The following RIMS2 variants were observed in gnomAD, a reference collection of about 807,000 sequenced individuals.
The protein encoded by RIMS2 is regulating synaptic membrane exocytosis 2, also known as regulating synaptic membrane exocytosis protein 2.
In RIMS2, 59 loss-of-function variants were observed where a neutral mutation model predicts 174.4. The ratio of observed to expected loss-of-function variants is 0.34; its 90% CI spans 0.27 to 0.42. The LOEUF (loss-of-function observed/expected upper bound fraction) is 0.42, where lower values mean the gene tolerates loss of function less well. Ranked by LOEUF, RIMS2 falls within the 10% of genes least tolerant of loss-of-function variation. The pLI is 1.00. For synonymous variants in RIMS2, 606 were observed against 572.5 expected (o/e 1.06, Z -0.84); for missense variants, 1,620 against 1,666.3 (o/e 0.97, Z 0.48).
chr8:103,882,295 ACTAT>A (rs1036049005), intron 3 of RIMS2, among the ~76,000 whole-genome samples: 9 of 151,560 alleles, frequency 5.9e-5, no homozygotes, highest in Non-Finnish European at 1.2e-4. Context: ...AAAGGAATAT[ACTAT>A]CTATGAAATA....
At chr8:103,672,886 A>T (rs2096762706) in intron 1 of RIMS2, among the ~76,000 whole-genome samples, 1 of 152,208 alleles carries the variant, frequency 6.6e-6, no homozygotes, top group Non-Finnish European at 1.5e-5. Context: ...TTCATCTGAG[A>T]CAAGGCCAGT....
chr8:104,122,269 G>T lies in RIMS2; in HGVS notation c.3334+107654G>T, dbSNP rs118166894. 1.9e-3 allele frequency among the ~76,000 whole-genome samples: 294 copies of T among 152,100 alleles called. 1 individual carries two copies. The highest frequency in any genetic ancestry group is 3.4e-3 in the Non-Finnish European group (228 of 67,982). ...GTGATTGAAATTAACAGGGATAAAG[G>T]GGATATATAATGAGATTTGCACTGG... On this transcript the variant is annotated intron_variant, in intron 19 of 23. Transcript: ENST00000504942.
chr8:103,516,059 C>A (rs992968525), intron 1 of RIMS2, among the ~76,000 whole-genome samples: 1 of 151,864 alleles, frequency 6.6e-6, no homozygotes, highest in Non-Finnish European at 1.5e-5. Flanking sequence ...CTTTTTGGTT[C>A]ATCGATTTCA....
intron 19 of RIMS2, among the ~76,000 whole-genome samples, chr8:104,123,256 A>T (rs907950747): frequency 6.6e-6 from 1 of 152,036 alleles, no homozygotes; most frequent in African/African-American, 2.4e-5. Context: ...GTATATGTAG[A>T]GGAAATGATC....
At chr8:104,061,592 CTCTG>C (rs1479559883) in intron 19 of RIMS2, among the ~76,000 whole-genome samples, 2 of 149,482 alleles carry the variant, frequency 1.3e-5, no homozygotes, top group African/African-American at 4.9e-5. Flanking sequence ...CTTTTTTGTT[CTCTG>C]TCTTATTTAT....
At chr8:103,752,994 G>A (rs2097914990) in intron 2 of RIMS2, among the ~76,000 whole-genome samples, 1 of 151,772 alleles carries the variant, frequency 6.6e-6, no homozygotes, top group Non-Finnish European at 1.5e-5. Context: ...GGTGAGAGAG[G>A]GCATCCCTGT....
In RIMS2 at chr8:104,120,920, A is replaced by G. The variant is rs544024838; in HGVS notation, c.3334+106305A>G. Reference sequence around the variant, plus strand: ...AAATAAACATGGGGATTAGCTAACTACTCTCTCACCTTGGCAGTATTTTAC... The same window carrying G: ...AAATAAACATGGGGATTAGCTAACTGCTCTCTCACCTTGGCAGTATTTTAC... On this transcript the variant is annotated intron_variant, in intron 19 of 23. Coordinates refer to ENST00000504942, the Ensembl canonical transcript of RIMS2. 5.3e-5 allele frequency among the ~76,000 whole-genome samples: 8 copies of G among 152,004 alleles called. No homozygotes were observed. The East Asian group carries it at 1.5e-3, about 29-fold the overall frequency.
intron 14 of RIMS2, 138 bp from the exon 17 acceptor site, chr8:103,960,927 T>G (rs1595881544): frequency 1.5e-6 from 1 of 646,464 alleles, no homozygotes; most frequent in African/African-American, 1.9e-5. Flanking sequence ...AAAAAGCTCA[T>G]AAGGACTTTT....
chr8:103,988,375 G>A (rs929837015), intron 16 of RIMS2, among the ~76,000 whole-genome samples: 1 of 152,134 alleles, frequency 6.6e-6, no homozygotes, highest in Admixed American at 6.5e-5. Flanking sequence ...CCTACAATAT[G>A]ACATGCCATG....
At chr8:103,774,541 T>G (rs1362685632) in intron 3 of RIMS2, among the ~76,000 whole-genome samples, 2 of 152,108 alleles carry the variant, frequency 1.3e-5, no homozygotes, top group Non-Finnish European at 1.5e-5. Flanking sequence ...AAAACATGGA[T>G]AAATCTCAAA....
chr8:104,202,323 A>G (rs1164898896), intron 19 of RIMS2, among the ~76,000 whole-genome samples: 1 of 152,238 alleles, frequency 6.6e-6, no homozygotes, highest in Middle Eastern at 3.2e-3. Context: ...GTGGTATATT[A>G]GGACAGCAAA....
intron 1 of RIMS2, among the ~76,000 whole-genome samples, chr8:103,524,215 T>A (rs1159144214): frequency 3.3e-5 from 5 of 149,550 alleles, no homozygotes; most frequent in African/African-American, 1.2e-4. Flanking sequence ...AGAAATAGGC[T>A]AAGAAGAAAA....
chr8:103,693,297 T>G (rs1213237005), intron 1 of RIMS2, among the ~76,000 whole-genome samples: 5 of 152,204 alleles, frequency 3.3e-5, no homozygotes. Context: ...GACTGTTTTT[T>G]CTACCCTCTT....
intron 17 of RIMS2, among the ~76,000 whole-genome samples, chr8:104,001,481 C>T (rs1205017066): frequency 1.3e-5 from 2 of 151,988 alleles, no homozygotes; most frequent in African/African-American, 4.8e-5. Flanking sequence ...GAATCTACCA[C>T]CCAAACCAAG....
chr8:103,894,960 A>T (rs1212210019), intron 4 of RIMS2, among the ~76,000 whole-genome samples: 1 of 151,690 alleles, frequency 6.6e-6, no homozygotes, highest in African/African-American at 2.4e-5. Flanking sequence ...TGAGAAAATA[A>T]TCATTAATAC....
intron 19 of RIMS2, among the ~76,000 whole-genome samples, chr8:104,153,706 A>G (rs1372587606): frequency 2.0e-5 from 3 of 152,304 alleles, no homozygotes; most frequent in Admixed American, 2.0e-4. Context: ...GAAGAAAACT[A>G]AAGACTGAGC....
intron 19 of RIMS2, among the ~76,000 whole-genome samples, chr8:104,177,779 C>T (rs779486255): frequency 1.9e-4 from 29 of 151,990 alleles, no homozygotes; most frequent in Non-Finnish European, 5.9e-5. Flanking sequence ...AGGACAGAGA[C>T]CATATTTATT....
intron 19 of RIMS2, among the ~76,000 whole-genome samples, chr8:104,145,561 C>G (rs1188815638): frequency 6.6e-6 from 1 of 151,686 alleles, no homozygotes. Flanking sequence ...CGTGGTGGCT[C>G]ACACCTGTAA....
chr8:104,080,832 C>A (rs1460546992), intron 19 of RIMS2, among the ~76,000 whole-genome samples: 1 of 151,880 alleles, frequency 6.6e-6, no homozygotes, highest in Non-Finnish European at 1.5e-5. Context: ...AATTTGATTA[C>A]TTCTATTGCA....
Sources: allele counts gnomAD v4.1 joint callset (sites outside exome capture counted in the v4.1 genomes callset), GRCh38; gene constraint gnomAD v4.1.1; transcripts MANE v1.5; gene names NCBI Gene and HGNC (gene_info 2026-07-23, HGNC 2026-07-21).